Variants in SNTG1 observed in about 807,000 individuals in gnomAD.
SNTG1 encodes the protein syntrophin gamma 1, also known as gamma-1-syntrophin.
A neutral mutation model predicts 74.7 loss-of-function variants in SNTG1; 39 were observed. The ratio of observed to expected loss-of-function variants is 0.52; its 90% CI spans 0.40 to 0.68. The LOEUF is 0.68. SNTG1 is among the 30% of genes least tolerant of loss of function. The probability of loss-of-function intolerance (pLI) is 0.00; values close to 1 mark genes in which losing one functional copy is unlikely to be tolerated. For missense variants in SNTG1, 685 were observed against 609.5 expected (o/e 1.12, Z -1.30); for synonymous variants, 254 against 217.1 (o/e 1.17, Z -1.49).
intron 2 of SNTG1, among the ~76,000 whole-genome samples, chr8:50,338,714 G>A (rs2130922845): frequency 6.6e-6 from 1 of 152,168 alleles, no homozygotes; most frequent in East Asian, 1.9e-4. Flanking sequence ...TACGTCTATG[G>A]AAGCTATCTA....
At chr8:50,163,481 C>CTTTTTTTTTTT (rs563894365) in intron 1 of SNTG1, 1 of 125,662 alleles carries the variant, frequency 8.0e-6, no homozygotes, top group African/African-American at 2.9e-5. Context: ...CTTCTTTTTT[C>CTTTTTTTTTTT]TTTTTTTTTT....
At chr8:50,407,027 C>T (rs888161355) in intron 4 of SNTG1, among the ~76,000 whole-genome samples, 6 of 152,142 alleles carry the variant, frequency 3.9e-5, no homozygotes, top group Admixed American at 1.3e-4. Flanking sequence ...GGTAAAGGCC[C>T]GCAGACGCCT....
chr8:50,306,904 C>CT (rs372812263), intron 2 of SNTG1, among the ~76,000 whole-genome samples: 3 of 150,490 alleles, frequency 2.0e-5, no homozygotes, highest in Non-Finnish European at 3.0e-5. Flanking sequence ...ATCACATTTA[C>CT]TTTTTTTTTG....
At chr8:50,278,987 G>T (rs1173529915) in intron 2 of SNTG1, among the ~76,000 whole-genome samples, 1 of 152,048 alleles carries the variant, frequency 6.6e-6, no homozygotes, top group African/African-American at 2.4e-5. Flanking sequence ...AGAAATAAAG[G>T]CTAACACAGT....
chr8:50,168,150 T>G (rs1440654521), intron 1 of SNTG1, among the ~76,000 whole-genome samples: 2 of 152,088 alleles, frequency 1.3e-5, no homozygotes, highest in Non-Finnish European at 2.9e-5. Context: ...TTTTCTAAAA[T>G]GTTTAATATT....
In SNTG1 at chr8:50,739,543, C is replaced by T. The variant is rs568752407; in HGVS notation, c.1285-12458C>T. ...ATCTAGAACCAGAAATACCATTTGA[C>T]CCAGCAATCCATTACTGGGTATATA... On this transcript the variant is annotated intron_variant, in intron 17 of 18. Transcript: ENST00000642720. Among the ~76,000 whole-genome samples the T allele has an allele frequency of 2.2e-4, 34 of 152,114 alleles. No homozygotes were observed. The South Asian group carries it at 5.0e-3, about 22-fold the overall frequency.
upstream of SNTG1, among the ~76,000 whole-genome samples, chr8:49,910,538 C>T (rs970237329): frequency 1.3e-5 from 2 of 152,182 alleles, no homozygotes; most frequent in African/African-American, 4.8e-5. Flanking sequence ...TTCAACTTCC[C>T]GTCTCAGTTC....
chr8:50,150,312 C>CTAAA (rs1471276488), intron 1 of SNTG1, among the ~76,000 whole-genome samples: 9 of 152,250 alleles, frequency 5.9e-5, no homozygotes, highest in Non-Finnish European at 8.8e-5. Flanking sequence ...GTGGGGTTTT[C>CTAAA]TAAATATACA....
At chr8:50,382,916 C>T (rs1247887715) in intron 2 of SNTG1, among the ~76,000 whole-genome samples, 3 of 152,222 alleles carry the variant, frequency 2.0e-5, no homozygotes, top group South Asian at 2.1e-4. Context: ...GCTGCCTACT[C>T]GAAACAGAAT....
rs139753067 is a variant in SNTG1, at chr8:50,209,435, C to T, written c.-28+36800C>T. Among the ~76,000 whole-genome samples, 620 of 152,294 alleles carry T rather than the reference C, an allele frequency of 4.1e-3. 8 individuals carry two copies. Among genetic ancestry groups the T allele is most frequent in the African/African-American group, 0.014 (592 of 41,576 alleles). On this transcript the variant is annotated intron_variant, in intron 2 of 18. Transcript: ENST00000642720. The stretch of plus-strand genomic sequence containing the variant: ...ACAGACTGCCTCCTCAAGTGGGTCC[C>T]TGACCTCTGAGTAGCCTAACTGGGA...
chr8:50,013,084 A>G (rs1479059618), intron 1 of SNTG1, among the ~76,000 whole-genome samples: 1 of 152,152 alleles, frequency 6.6e-6, no homozygotes, highest in Non-Finnish European at 1.5e-5. Flanking sequence ...GCATTAGAAT[A>G]AAAGGACACA....
chr8:50,150,341 AG>A (rs2082023060), intron 1 of SNTG1, among the ~76,000 whole-genome samples: 1 of 152,212 alleles, frequency 6.6e-6, no homozygotes, highest in African/African-American at 2.4e-5. Flanking sequence ...ATCTGCAAAC[AG>A]GGACAATTTG....
At chr8:50,387,022 T>G (rs2092585793) in intron 2 of SNTG1, among the ~76,000 whole-genome samples, 1 of 152,182 alleles carries the variant, frequency 6.6e-6, no homozygotes, top group Non-Finnish European at 1.5e-5. Flanking sequence ...TTCATTTGCT[T>G]GTACTGATCA....
intron 1 of SNTG1, among the ~76,000 whole-genome samples, chr8:49,963,611 C>G (rs1017207127): frequency 6.6e-6 from 1 of 152,174 alleles, no homozygotes. Context: ...CTATATCTTG[C>G]TCCTCTCCAT....
At chr8:50,572,361 A>C (rs547244142) in intron 12 of SNTG1, among the ~76,000 whole-genome samples, 1 of 152,192 alleles carries the variant, frequency 6.6e-6, no homozygotes, top group East Asian at 1.9e-4. Context: ...ATACCCATAG[A>C]TATTTGTAAG....
chr8:50,020,126 G>T (rs1307955799), intron 1 of SNTG1, among the ~76,000 whole-genome samples: 3 of 152,128 alleles, frequency 2.0e-5, no homozygotes, highest in Non-Finnish European at 4.4e-5. Flanking sequence ...ACAGCACCTG[G>T]AATGGTTATT....
At chr8:50,088,289 G>A (rs1202992474) in intron 1 of SNTG1, among the ~76,000 whole-genome samples, 2 of 148,272 alleles carry the variant, frequency 1.3e-5, no homozygotes, top group Admixed American at 6.8e-5. Flanking sequence ...CAAACCCACA[G>A]CCAATATCAT....
intron 2 of SNTG1, chr8:50,381,181 A>G (rs1450728858): frequency 6.6e-6 from 1 of 152,152 alleles, no homozygotes. Flanking sequence ...AATAAAGTTT[A>G]CTGATGAAAT....
chr8:50,207,360 G>C (rs1320771743), intron 2 of SNTG1, among the ~76,000 whole-genome samples: 1 of 152,174 alleles, frequency 6.6e-6, no homozygotes. Flanking sequence ...GCATAGAGGT[G>C]TTTATAGTAT....
Sources: gnomAD v4.1 joint callset for allele counts (sites outside exome capture counted in the v4.1 genomes callset) on GRCh38, gnomAD v4.1.1 for gene constraint, MANE v1.5 for transcripts, NCBI Gene and HGNC (gene_info 2026-07-23, HGNC 2026-07-21) for gene names.